The following CFAP100 variants were observed in gnomAD, a reference collection of about 807,000 sequenced individuals.
The protein encoded by CFAP100 is cilia- and flagella-associated protein 100.
A neutral mutation model predicts 81.5 loss-of-function variants in CFAP100; 70 were observed. The ratio of observed to expected loss-of-function variants is 0.86; its 90% CI spans 0.71 to 1.05. The LOEUF (loss-of-function observed/expected upper bound fraction) is 1.05, where lower values mean the gene tolerates loss of function less well. Among genes scored for constraint, CFAP100 ranks in the 50% least tolerant of loss-of-function variants. The probability of loss-of-function intolerance (pLI) is 0.00; values close to 1 mark genes in which losing one functional copy is unlikely to be tolerated. For missense variants in CFAP100, 811 were observed against 776.5 expected (o/e 1.04, Z -0.53); for synonymous variants, 341 against 314.8 (o/e 1.08, Z -0.88).
chr3:126,395,849 C>CCCT, intron 1 of CFAP100, 93 bp from the exon 2 acceptor site: 1 of 643,684 alleles, frequency 1.6e-6, no homozygotes, highest in Non-Finnish European at 2.7e-6. Context: ...ACAAGGTGAG[C>CCCT]CCTCAGCAAA....
intron 16 of CFAP100, among the ~76,000 whole-genome samples, chr3:126,435,892 C>A (rs1933426928): frequency 1.3e-5 from 2 of 152,170 alleles, no homozygotes; most frequent in African/African-American, 4.8e-5. Flanking sequence ...CCATGCCCAC[C>A]CACCCCAGCC....
intron 2 of CFAP100, among the ~76,000 whole-genome samples, chr3:126,400,251 G>A (rs1015183086): frequency 4.6e-5 from 7 of 152,230 alleles, no homozygotes; most frequent in African/African-American, 1.7e-4. Context: ...ATATGCAAAT[G>A]ATCTACAAGC....
In CFAP100 at chr3:126,423,618, C is replaced by T. The variant is rs1375747125; in HGVS notation, c.1260C>T (p.His420=). Residue 420 remains histidine (H), a synonymous_variant, in exon 13 of 17, where the codon CAC becomes CAT. Transcript: ENST00000352312. ...ETEKTLEELS[H]TLKHTQIRMD... is the part of the protein sequence containing the mutation. Reference sequence around the variant, plus strand: ...AGAAGACCCTGGAGGAGCTGAGCCACACCCTGAAACACACCCAGATCCGCA... The same window carrying T: ...AGAAGACCCTGGAGGAGCTGAGCCATACCCTGAAACACACCCAGATCCGCA... 6.2e-7 allele frequency: 1 copy of T among 1,614,240 alleles called. No homozygotes were observed. Among genetic ancestry groups the T allele is most frequent in the Middle Eastern group, 1.6e-4 (1 of 6,062 alleles).
intron 13 of CFAP100, among the ~76,000 whole-genome samples, chr3:126,428,798 T>C (rs1933062668): frequency 6.6e-6 from 1 of 152,170 alleles, no homozygotes; most frequent in African/African-American, 2.4e-5. Context: ...CCTCTTCCGT[T>C]TCTGGAAGAG....
intron 3 of CFAP100, among the ~76,000 whole-genome samples, chr3:126,408,641 T>C (rs937073224): frequency 6.6e-6 from 1 of 152,168 alleles, no homozygotes; most frequent in African/African-American, 2.4e-5. Context: ...CCGGCTCCCC[T>C]TGGTCATGAG....
chr3:126,429,895 T>G (rs1228260314), intron 13 of CFAP100, among the ~76,000 whole-genome samples: 1 of 152,182 alleles, frequency 6.6e-6, no homozygotes, highest in Non-Finnish European at 1.5e-5. Context: ...GGGAAAGTCT[T>G]TATCTCCTCT....
chr3:126,431,950 A>G (rs560269310), intron 13 of CFAP100, among the ~76,000 whole-genome samples: 1 of 152,164 alleles, frequency 6.6e-6, no homozygotes, highest in South Asian at 2.1e-4. Context: ...TCTGAGCAGC[A>G]TGTCCCTTGT....
intron 2 of CFAP100, among the ~76,000 whole-genome samples, chr3:126,399,547 G>C (rs982475925): frequency 6.6e-6 from 1 of 152,196 alleles, no homozygotes; most frequent in Admixed American, 6.5e-5. Context: ...ACTCAGCAAA[G>C]TTGTGGGTTA....
intron 4 of CFAP100, 90 bp from the exon 5 acceptor site, chr3:126,416,226 C>T: frequency 8.4e-7 from 1 of 1,192,278 alleles, no homozygotes; most frequent in Non-Finnish European, 1.2e-6. Context: ...CGCGCGCAAA[C>T]CCGCGTCCCT....
rs1312538637 is a variant in CFAP100 at position 126,423,506 on chromosome 3, A to C, written c.1148A>C (p.Tyr383Ser). ...TDSDGEEPQL[Y>S]FTEPQQLLDV... The stretch of plus-strand genomic sequence containing the variant: ...TGTGGGTTGCAGGAACCACAGCTGT[A>C]CTTCACGGAGCCCCAGCAGCTCCTG... Residue 383 changes from tyrosine to serine, a missense_variant, in exon 13 of 17, where the codon TAC (tyrosine) becomes TCC (serine). Physicochemically the swap from Tyr to Ser is moderately radical, Grantham distance 144. Coordinates refer to ENST00000352312, the MANE Select transcript of CFAP100 (RefSeq NM_182628.3). The C allele has an allele frequency of 3.7e-6, 6 of 1,613,922 alleles. No homozygotes were observed. The highest frequency in any genetic ancestry group is 1.1e-5 in the South Asian group (1 of 91,074).
intron 2 of CFAP100, 117 bp downstream of exon 2, chr3:126,396,166 T>C (rs1249693730): frequency 1.3e-6 from 1 of 777,002 alleles, no homozygotes; most frequent in African/African-American, 1.7e-5. Context: ...GTCATAGATC[T>C]GCCTACTTCC....
At chr3:126,432,282 CAAAAAAAAAAAAA>C (rs58421889) in intron 13 of CFAP100, among the ~76,000 whole-genome samples, 3 of 76,730 alleles carry the variant, frequency 3.9e-5, no homozygotes, top group African/African-American at 1.8e-4. Context: ...GACTCCGTCT[CAAAAAAAAAAAAA>C]AAAAAAAAAG....
chr3:126,434,536 A>C, intron 15 of CFAP100, 155 bp downstream of exon 15: 2 of 719,298 alleles, frequency 2.8e-6, no homozygotes, highest in Non-Finnish European at 4.5e-6. Flanking sequence ...GGGGATCTAG[A>C]GGGGCATCAC....
At position 126,419,194 on chromosome 3, in the gene CFAP100, C is replaced by T. The variant is rs762948826; in HGVS notation, c.731+38C>T. The T allele has an allele frequency of 4.5e-6, 6 of 1,336,002 alleles. No homozygotes were observed. The Admixed American group carries it at 1.4e-4, about 30-fold the overall frequency. The allele number at this position is 1,336,002 out of a possible 1,614,324, so 82.8% of individuals were successfully genotyped here. On this transcript the variant is annotated intron_variant, in intron 8 of 16. Coordinates refer to ENST00000352312, the MANE Select transcript of CFAP100 (RefSeq NM_182628.3). ...GGCATGCTGGCCATTGGCTGGCCCA[C>T]CTCCTGGTCCCTCAGTCATTTTGCC...
intron 2 of CFAP100, among the ~76,000 whole-genome samples, chr3:126,404,895 G>C (rs1483487332): frequency 6.6e-6 from 1 of 152,110 alleles, no homozygotes; most frequent in African/African-American, 2.4e-5. Context: ...GGATGGTCTC[G>C]ATCTCCTGAC....
intron 13 of CFAP100, 88 bp downstream of exon 13, chr3:126,423,732 C>A: frequency 6.6e-7 from 1 of 1,504,376 alleles, no homozygotes; most frequent in Non-Finnish European, 9.2e-7. Context: ...GGGGAAACAG[C>A]CCACACCCGT....
intron 13 of CFAP100, among the ~76,000 whole-genome samples, chr3:126,432,282 CAAAAAAAAAAAA>C (rs58421889): frequency 2.5e-4 from 19 of 76,742 alleles, no homozygotes; most frequent in Non-Finnish European, 4.1e-4. Flanking sequence ...GACTCCGTCT[CAAAAAAAAAAAA>C]AAAAAAAAAA....
chr3:126,435,769 C>A, intron 16 of CFAP100, 117 bp downstream of exon 16: 1 of 759,714 alleles, frequency 1.3e-6, no homozygotes, highest in Non-Finnish European at 2.1e-6. Context: ...CAATGAGGCT[C>A]TGAGGGAGAC....
In CFAP100 at chr3:126,435,672, G is replaced by A; in HGVS notation, c.1722+20G>A. On this transcript the variant is annotated intron_variant, in intron 16 of 16. Transcript: ENST00000352312. ...AAGAAGGTAGGCAGGGTCGCCTTGG[G>A]GGGTCTCTGCTGGAGGGGGTCCCAA... 1 of 1,602,916 alleles carries A rather than the reference G, an allele frequency of 6.2e-7. No individual in the cohort carries two copies. The highest frequency in any genetic ancestry group is 8.5e-7 in the Non-Finnish European group (1 of 1,172,256).
Sources: allele counts gnomAD v4.1 joint callset (sites outside exome capture counted in the v4.1 genomes callset), GRCh38; gene constraint gnomAD v4.1.1; transcripts MANE v1.5; gene names NCBI Gene and HGNC (gene_info 2026-07-23, HGNC 2026-07-21).